Variants in EYS observed in about 807,000 individuals in gnomAD.
The protein encoded by EYS is protein eyes shut homolog.
Under a neutral mutation model 282.1 loss-of-function variants are expected in EYS, and 250 were observed. The ratio of observed to expected loss-of-function variants is 0.89; its 90% confidence interval spans 0.80 to 0.98. The LOEUF is 0.98. Among genes scored for constraint, EYS ranks in the 50% least tolerant of loss-of-function variants. The pLI is 0.00. For synonymous variants in EYS, 1,355 were observed against 1,282.9 expected (o/e 1.06, Z -1.20); for missense variants, 4,016 against 3,709.0 (o/e 1.08, Z -2.15).
chr6:65,018,016 A>AAATTTAT (rs1772109779), intron 13 of EYS, among the ~76,000 whole-genome samples: 1 of 152,204 alleles, frequency 6.6e-6, no homozygotes, highest in Admixed American at 6.5e-5. Context: ...GTCTAATGAC[A>AAATTTAT]GGTGAATTTA....
chr6:65,493,239 C>T (rs2127269180), intron 4 of EYS, among the ~76,000 whole-genome samples: 1 of 152,238 alleles, frequency 6.6e-6, no homozygotes, highest in African/African-American at 2.4e-5. Context: ...TATCACACAG[C>T]CTCTTTAAAC....
At chr6:64,158,359 AGT>A (rs61699150) in intron 31 of EYS, among the ~76,000 whole-genome samples, 3,912 of 152,300 alleles carry the variant, frequency 0.026, 154 homozygotes, top group African/African-American at 0.089. Flanking sequence ...TTCATGTAAA[AGT>A]GATATTTTTG....
intron 14 of EYS, among the ~76,000 whole-genome samples, chr6:64,958,373 C>T (rs551535371): frequency 6.6e-6 from 1 of 151,578 alleles, no homozygotes; most frequent in Non-Finnish European, 1.5e-5. Flanking sequence ...CAGAGTGAGA[C>T]TCCATCTCAA....
intron 2 of EYS, among the ~76,000 whole-genome samples, chr6:65,589,026 T>C (rs1765146351): frequency 6.6e-6 from 1 of 152,074 alleles, no homozygotes; most frequent in African/African-American, 2.4e-5. Context: ...TACTTCCATT[T>C]CTTCCCCTCC....
At chr6:65,327,211 T>C (rs1211335197) in intron 11 of EYS, among the ~76,000 whole-genome samples, 1 of 151,638 alleles carries the variant, frequency 6.6e-6, no homozygotes, top group Non-Finnish European at 1.5e-5. Flanking sequence ...GTTCCAGCCT[T>C]GTTCTCAATT....
intron 12 of EYS, among the ~76,000 whole-genome samples, chr6:65,180,243 T>C (rs1165974791): frequency 1.3e-5 from 2 of 151,910 alleles, no homozygotes; most frequent in Non-Finnish European, 2.9e-5. Flanking sequence ...GGGTATTCAA[T>C]TAGGAAAAGA....
At chr6:63,985,944 G>C (rs1181818486) in intron 34 of EYS, among the ~76,000 whole-genome samples, 5 of 151,824 alleles carry the variant, frequency 3.3e-5, no homozygotes, top group Admixed American at 3.3e-4. Context: ...TTAAACGTGA[G>C]AACTTCTGCA....
chr6:65,043,202 A>T (rs923371978), intron 13 of EYS, among the ~76,000 whole-genome samples: 1 of 151,562 alleles, frequency 6.6e-6, no homozygotes. Context: ...TTCATTTATC[A>T]TTTTTTATGG....
At chr6:65,573,143 A>C (rs948342220) in intron 2 of EYS, among the ~76,000 whole-genome samples, 20 of 152,128 alleles carry the variant, frequency 1.3e-4, no homozygotes, top group Non-Finnish European at 2.2e-4. Flanking sequence ...AGCAGCTCTC[A>C]TCTCCCCCTC....
intron 2 of EYS, among the ~76,000 whole-genome samples, chr6:65,505,854 T>G (rs1288543174): frequency 6.6e-6 from 1 of 152,190 alleles, no homozygotes; most frequent in Non-Finnish European, 1.5e-5. Flanking sequence ...CTCAAAAGAA[T>G]TCCTCCTGCT....
intron 35 of EYS, among the ~76,000 whole-genome samples, chr6:63,876,669 A>G (rs1210874497): frequency 6.6e-6 from 1 of 152,150 alleles, no homozygotes; most frequent in Non-Finnish European, 1.5e-5. Flanking sequence ...TTGGGTGCAT[A>G]TATTAGGATA....
intron 5 of EYS, among the ~76,000 whole-genome samples, chr6:65,415,283 G>C (rs1392863893): frequency 6.6e-6 from 1 of 151,902 alleles, no homozygotes; most frequent in Non-Finnish European, 1.5e-5. Flanking sequence ...GATTTCACCT[G>C]GTATCTCATT....
At chr6:63,907,323 A>G (rs539008313) in intron 35 of EYS, among the ~76,000 whole-genome samples, 1 of 152,288 alleles carries the variant, frequency 6.6e-6, no homozygotes, top group African/African-American at 2.4e-5. Flanking sequence ...TACAAAGGCC[A>G]TGGATAAAGA....
chr6:63,907,999 C>T (rs1398013395), intron 35 of EYS, among the ~76,000 whole-genome samples: 5 of 74,034 alleles, frequency 6.8e-5, no homozygotes, highest in African/African-American at 2.6e-4. Flanking sequence ...CACACACACA[C>T]ACACACACAA....
chr6:64,309,668 T>TA (rs1006830712), intron 29 of EYS, among the ~76,000 whole-genome samples: 3 of 151,578 alleles, frequency 2.0e-5, no homozygotes, highest in African/African-American at 4.8e-5. Context: ...AAAAATCATG[T>TA]AAAAAAACAA....
intron 26 of EYS, among the ~76,000 whole-genome samples, chr6:64,447,116 C>G (rs957745171): frequency 5.3e-5 from 8 of 151,908 alleles, no homozygotes; most frequent in Admixed American, 1.3e-4. Context: ...TATTAAGAAA[C>G]CTGTATCACA....
chr6:65,264,476 A>G (rs116806198), intron 12 of EYS, among the ~76,000 whole-genome samples: 66 of 152,266 alleles, frequency 4.3e-4, no homozygotes, highest in African/African-American at 1.6e-3. Context: ...TTAGAAAATA[A>G]GTACACCTCA....
At chr6:64,895,993 G>T (rs1018533449) in intron 18 of EYS, among the ~76,000 whole-genome samples, 1 of 151,894 alleles carries the variant, frequency 6.6e-6, no homozygotes, top group African/African-American at 2.4e-5. Context: ...TTAAGTTTTA[G>T]TACATATAAC....
chr6:64,795,240 A>G (rs1161168333), intron 22 of EYS, among the ~76,000 whole-genome samples: 5 of 152,028 alleles, frequency 3.3e-5, no homozygotes, highest in Admixed American at 6.6e-5. Flanking sequence ...CGTCTCAAAA[A>G]AAAAAAAAAG....
Sources: gnomAD v4.1 joint callset for allele counts (sites outside exome capture counted in the v4.1 genomes callset) on GRCh38, gnomAD v4.1.1 for gene constraint, MANE v1.5 for transcripts, NCBI Gene and HGNC (gene_info 2026-07-23, HGNC 2026-07-21) for gene names.